Variants in GIPC2 observed in about 807,000 individuals in gnomAD.
GIPC2 encodes GIPC PDZ domain containing family member 2.
A neutral mutation model predicts 30.6 loss-of-function variants in GIPC2; 30 were observed. The ratio of observed to expected loss-of-function variants is 0.98; its 90% confidence interval spans 0.73 to 1.33. The LOEUF (loss-of-function observed/expected upper bound fraction) is 1.33, where lower values mean the gene tolerates loss of function less well. GIPC2 is among the 40% of genes most tolerant of loss of function. The pLI, the probability that GIPC2 is intolerant of heterozygous loss-of-function variation, is 0.00. For missense variants in GIPC2, 414 were observed against 390.3 expected (o/e 1.06, Z -0.51); for synonymous variants, 167 against 150.0 (o/e 1.11, Z -0.83).
intron 1 of GIPC2, among the ~76,000 whole-genome samples, chr1:78,051,202 A>T (rs1661191895): frequency 6.6e-6 from 1 of 152,146 alleles, no homozygotes; most frequent in African/African-American, 2.4e-5. Context: ...AAAAAAAGAA[A>T]TGATGTCATC....
intron 2 of GIPC2, among the ~76,000 whole-genome samples, chr1:78,090,728 C>A (rs1358577022): frequency 6.6e-6 from 1 of 152,058 alleles, no homozygotes; most frequent in Non-Finnish European, 1.5e-5. Flanking sequence ...ATGATACTTA[C>A]ATATTTCTAA....
chr1:78,109,727 GT>G (rs200260480), intron 3 of GIPC2, among the ~76,000 whole-genome samples: 2 of 150,882 alleles, frequency 1.3e-5, no homozygotes, highest in Non-Finnish European at 1.5e-5. Flanking sequence ...AATATAGTGT[GT>G]TTTTTTTTCT....
rs567550756 is a variant in GIPC2, at chr1:78,064,606, G to A, written c.241-16069G>A. On this transcript the variant is annotated intron_variant, in intron 1 of 5. Transcript: ENST00000370759. ...TGGGGATGGGAAACAATAAGAGGGCGAACAAGGAGAAAGACGTCCTGTTGG... is the reference window on the plus strand; with the variant it reads ...TGGGGATGGGAAACAATAAGAGGGCAAACAAGGAGAAAGACGTCCTGTTGG... Among the ~76,000 whole-genome samples the A allele has an allele frequency of 5.9e-5, 9 of 152,226 alleles. No individual in the cohort carries two copies. In the South Asian group the frequency reaches 6.2e-4, roughly 11 times the overall value.
At chr1:78,124,726 C>T (rs1170191455) in intron 4 of GIPC2, among the ~76,000 whole-genome samples, 1 of 152,216 alleles carries the variant, frequency 6.6e-6, no homozygotes, top group African/African-American at 2.4e-5. Context: ...CAGTTCTTGG[C>T]TGGGCGTGAT....
chr1:78,130,251 C>T (rs1414294177), intron 5 of GIPC2, among the ~76,000 whole-genome samples: 1 of 151,926 alleles, frequency 6.6e-6, no homozygotes. Flanking sequence ...TATAGGCGCC[C>T]ACCACCATGG....
At chr1:78,060,067 G>T (rs749881866) in intron 1 of GIPC2, among the ~76,000 whole-genome samples, 1 of 152,286 alleles carries the variant, frequency 6.6e-6, no homozygotes, top group Middle Eastern at 3.4e-3. Context: ...GGAAATTTGG[G>T]ATGGTGATAT....
Position 78,135,747 on chromosome 1 carries a change from G to C in GIPC2, c.*4G>C. The C allele has an allele frequency of 6.2e-7, 1 of 1,607,468 alleles. No individual in the cohort carries two copies. Among genetic ancestry groups the C allele is most frequent in the Non-Finnish European group, 8.5e-7 (1 of 1,177,276 alleles). ...TGCCAAACGAAGAGGATTATGATGT[G>C]TACACTCCATCTCTGAAGAAACAAC... is the stretch of plus-strand genomic sequence containing the variant. On this transcript the variant is annotated 3_prime_UTR_variant, in exon 6 of 6. Transcript: ENST00000370759.
At chr1:78,114,540 C>T (rs1248603626) in intron 3 of GIPC2, among the ~76,000 whole-genome samples, 1 of 151,952 alleles carries the variant, frequency 6.6e-6, no homozygotes, top group Non-Finnish European at 1.5e-5. Context: ...TGAAAACTGC[C>T]CTCTGGAGGC....
At position 78,121,051 on chromosome 1, in the gene GIPC2, C is replaced by T. The variant is rs142247859; in HGVS notation, c.714+1552C>T. ...TTTGGTGCATTAATGAATTAGTAAA[C>T]GATTCCTTTTAGTTTGAGAAAAGCA... is the stretch of plus-strand genomic sequence containing the variant. On this transcript the variant is annotated intron_variant, in intron 4 of 5. Coordinates refer to ENST00000370759, the MANE Select transcript of GIPC2 (RefSeq NM_017655.6). Among the ~76,000 whole-genome samples the T allele has an allele frequency of 1.5e-4, 23 of 152,258 alleles. No individual in the cohort carries two copies. The East Asian group carries it at 4.0e-3, about 27-fold the overall frequency.
At chr1:78,110,716 T>C (rs550094326) in intron 3 of GIPC2, among the ~76,000 whole-genome samples, 1 of 152,302 alleles carries the variant, frequency 6.6e-6, no homozygotes, top group African/African-American at 2.4e-5. Context: ...TGGAACACTT[T>C]CCTCTCTCTA....
intron 3 of GIPC2, among the ~76,000 whole-genome samples, chr1:78,116,006 C>T (rs1235067617): frequency 6.6e-6 from 1 of 152,166 alleles, no homozygotes; most frequent in African/African-American, 2.4e-5. Context: ...GCTATAAAGA[C>T]ATACCTGAGA....
At chr1:78,125,336 AG>A (rs1341153723) in intron 4 of GIPC2, among the ~76,000 whole-genome samples, 2 of 152,110 alleles carry the variant, frequency 1.3e-5, no homozygotes, top group African/African-American at 4.8e-5. Flanking sequence ...TACCACACCC[AG>A]CTAATTATTT....
rs1661059633 is a variant in GIPC2, at chr1:78,046,004, T to C, written c.-91T>C. On this transcript the variant is annotated 5_prime_UTR_variant, in exon 1 of 6. Coordinates refer to ENST00000370759, the MANE Select transcript of GIPC2 (RefSeq NM_017655.6). ...GCTGCCATTGGAGGCTGCTTTTACC[T>C]GCGCGGGGCCCGGGGCGCAAAGTCC... 7.2e-7 allele frequency: 1 copy of C among 1,393,102 alleles called. No individual in the cohort carries two copies. The highest frequency in any genetic ancestry group is 9.3e-7 in the Non-Finnish European group (1 of 1,076,442). 86.3% of individuals were successfully genotyped at this position (1,393,102 alleles called of 1,614,324 possible).
In GIPC2 at chr1:78,046,085, G is replaced by T; in HGVS notation, c.-10G>T. ...CAGCGCAGGTGGGCCCGCGCTCTCG[G>T]CCCTGCAAGATGCCCCTGAAGCTGC... On this transcript the variant is annotated 5_prime_UTR_variant, in exon 1 of 6. Transcript: ENST00000370759. 1 of 1,438,988 alleles carries T rather than the reference G, an allele frequency of 6.9e-7. No homozygotes were observed. The highest frequency in any genetic ancestry group is 9.1e-7 in the Non-Finnish European group (1 of 1,100,578). The allele number at this position is 1,438,988 out of a possible 1,614,324, so 89.1% of individuals were successfully genotyped here.
At chr1:78,116,894 T>C (rs1292193534) in intron 3 of GIPC2, among the ~76,000 whole-genome samples, 4 of 151,486 alleles carry the variant, frequency 2.6e-5, no homozygotes, top group Non-Finnish European at 4.4e-5. Context: ...CTGGGTCAAA[T>C]GGTATTTCTA....
At chr1:78,074,329 A>G (rs1252671710) in intron 1 of GIPC2, among the ~76,000 whole-genome samples, 5 of 152,242 alleles carry the variant, frequency 3.3e-5, no homozygotes, top group Admixed American at 6.5e-5. Context: ...CTTGGGTTCA[A>G]GCAATATTCC....
intron 1 of GIPC2, among the ~76,000 whole-genome samples, chr1:78,075,931 G>A (rs528752757): frequency 7.0e-6 from 1 of 143,876 alleles, no homozygotes; most frequent in Non-Finnish European, 1.6e-5. Context: ...TGGAGCCAGA[G>A]GCTCTGCTTT....
At chr1:78,059,777 A>G (rs1276947598) in intron 1 of GIPC2, among the ~76,000 whole-genome samples, 3 of 152,178 alleles carry the variant, frequency 2.0e-5, no homozygotes, top group Non-Finnish European at 2.9e-5. Flanking sequence ...ACAAAAAACA[A>G]TAACAAAAAG....
At chr1:78,056,729 C>T (rs943173699) in intron 1 of GIPC2, among the ~76,000 whole-genome samples, 2 of 152,220 alleles carry the variant, frequency 1.3e-5, no homozygotes, top group Non-Finnish European at 2.9e-5. Context: ...TATCAGCCTC[C>T]TGAGAACCTT....
Sources: gnomAD v4.1 joint callset for allele counts (sites outside exome capture counted in the v4.1 genomes callset) on GRCh38, gnomAD v4.1.1 for gene constraint, MANE v1.5 for transcripts, NCBI Gene and HGNC (gene_info 2026-07-23, HGNC 2026-07-21) for gene names.